SND1: variants seen among roughly 807,000 people sequenced by gnomAD.
SND1 encodes staphylococcal nuclease domain-containing protein 1.
SND1 carries 38 observed loss-of-function variants against 121.7 expected under a neutral mutation model. The ratio of observed to expected loss-of-function variants is 0.31; its 90% CI spans 0.24 to 0.41. SND1 has a LOEUF of 0.41. SND1 is among the 10% of genes least tolerant of loss of function. SND1 has a pLI of 1.00. For missense variants in SND1, 868 were observed against 1,184.6 expected (o/e 0.73, Z 3.92); for synonymous variants, 401 against 447.4 (o/e 0.90, Z 1.31).
chr7:127,741,549 G>T (rs1192521379), intron 10 of SND1, among the ~76,000 whole-genome samples: 1 of 152,094 alleles, frequency 6.6e-6, no homozygotes, highest in Non-Finnish European at 1.5e-5. Flanking sequence ...CTCTAATTCT[G>T]AAAGAGGCTT....
chr7:128,086,512 C>A, intron 20 of SND1: 1 of 277,792 alleles, frequency 3.6e-6, no homozygotes, highest in Non-Finnish European at 7.0e-6. Context: ...TGGGCCAGAA[C>A]CACAGGCAGG....
intron 14 of SND1, among the ~76,000 whole-genome samples, chr7:127,913,324 G>A (rs1339912045): frequency 6.6e-6 from 1 of 152,140 alleles, no homozygotes; most frequent in Non-Finnish European, 1.5e-5. Flanking sequence ...TCACAAACAG[G>A]AGTGCATGCA....
chr7:127,898,378 T>C (rs901398495), intron 13 of SND1, among the ~76,000 whole-genome samples: 3 of 152,182 alleles, frequency 2.0e-5, no homozygotes, highest in African/African-American at 7.2e-5. Flanking sequence ...CTCAATTACA[T>C]TGAAAATGCA....
chr7:127,754,430 C>T (rs1261478388), intron 10 of SND1, among the ~76,000 whole-genome samples: 3 of 152,178 alleles, frequency 2.0e-5, no homozygotes, highest in African/African-American at 7.2e-5. Context: ...GGCTTTATAA[C>T]AATAGAGGTT....
At chr7:127,894,480 G>A (rs929676118) in intron 13 of SND1, among the ~76,000 whole-genome samples, 2 of 152,020 alleles carry the variant, frequency 1.3e-5, no homozygotes, top group African/African-American at 4.8e-5. Flanking sequence ...AATGGAATGT[G>A]AAGAGTTACT....
intron 13 of SND1, among the ~76,000 whole-genome samples, chr7:127,894,314 C>G (rs1001937552): frequency 5.9e-5 from 9 of 151,512 alleles, no homozygotes; most frequent in Non-Finnish European, 1.0e-4. Flanking sequence ...GAGGAGCTCT[C>G]CCTTTTTTCT....
intron 12 of SND1, among the ~76,000 whole-genome samples, chr7:127,845,546 C>A (rs2116649859): frequency 6.6e-6 from 1 of 152,324 alleles, no homozygotes; most frequent in African/African-American, 2.4e-5. Flanking sequence ...GGTCATTATT[C>A]TATCTGTATA....
intron 10 of SND1, among the ~76,000 whole-genome samples, chr7:127,786,062 C>A (rs1197562959): frequency 6.6e-6 from 1 of 151,912 alleles, no homozygotes; most frequent in Non-Finnish European, 1.5e-5. Flanking sequence ...CTTCCTGAAG[C>A]CTGGACCAGT....
chr7:128,082,851 G>A (rs1314275940), intron 18 of SND1, among the ~76,000 whole-genome samples: 5 of 152,204 alleles, frequency 3.3e-5, no homozygotes, highest in South Asian at 4.1e-4. Flanking sequence ...TCTGGGTCCT[G>A]CTGGGGAGGA....
intron 16 of SND1, among the ~76,000 whole-genome samples, chr7:128,050,880 T>G (rs1248662147): frequency 6.6e-6 from 1 of 152,264 alleles, no homozygotes; most frequent in Non-Finnish European, 1.5e-5. Flanking sequence ...TCAGTCCTCC[T>G]GAGCTGAGAA....
chr7:127,684,819 A>C (rs1308454147), intron 1 of SND1, among the ~76,000 whole-genome samples: 1 of 152,210 alleles, frequency 6.6e-6, no homozygotes, highest in Non-Finnish European at 1.5e-5. Context: ...AAAGTGACTT[A>C]GGCCAGGGTC....
chr7:127,958,289 T>C (rs1476605377), intron 15 of SND1, among the ~76,000 whole-genome samples: 1 of 152,250 alleles, frequency 6.6e-6, no homozygotes, highest in East Asian at 1.9e-4. Flanking sequence ...TGTTTACCAA[T>C]GCTGTTACGT....
intron 16 of SND1, among the ~76,000 whole-genome samples, chr7:128,065,400 C>T (rs1562887506): frequency 6.6e-6 from 1 of 152,270 alleles, no homozygotes; most frequent in Non-Finnish European, 1.5e-5. Context: ...AGGTCAGCTA[C>T]TTCCTGCCTG....
intron 10 of SND1, among the ~76,000 whole-genome samples, chr7:127,739,393 T>C (rs915372178): frequency 3.0e-4 from 45 of 152,164 alleles, no homozygotes; most frequent in African/African-American, 1.1e-3. Flanking sequence ...GATTTATTTA[T>C]TTTATTGTCT....
chr7:127,706,358 G>A (rs1407605022), intron 8 of SND1, among the ~76,000 whole-genome samples: 5 of 144,292 alleles, frequency 3.5e-5, no homozygotes, highest in African/African-American at 5.2e-5. Flanking sequence ...CCTGGTTCAA[G>A]CGATTCCTCT....
chr7:127,901,728 T>G (rs965561734), intron 13 of SND1, among the ~76,000 whole-genome samples: 43 of 152,332 alleles, frequency 2.8e-4, no homozygotes, highest in African/African-American at 1.0e-3. Flanking sequence ...TCAGTTTACA[T>G]ATGCTGGTAC....
intron 12 of SND1, among the ~76,000 whole-genome samples, chr7:127,885,092 G>T (rs1040968454): frequency 3.9e-5 from 6 of 152,166 alleles, no homozygotes; most frequent in African/African-American, 1.4e-4. Flanking sequence ...TTCCTATGGG[G>T]CTCTGACACC....
intron 14 of SND1, among the ~76,000 whole-genome samples, chr7:127,920,923 A>C (rs1800693023): frequency 6.6e-6 from 1 of 152,202 alleles, no homozygotes; most frequent in Non-Finnish European, 1.5e-5. Context: ...TCGATGATAA[A>C]ATGCAGATTT....
intron 16 of SND1, among the ~76,000 whole-genome samples, chr7:128,022,889 C>T (rs1442364884): frequency 1.3e-5 from 2 of 152,212 alleles, no homozygotes; most frequent in Non-Finnish European, 2.9e-5. Flanking sequence ...CAAGTACTGA[C>T]AGCAAAGCTG....
Sources: allele counts gnomAD v4.1 joint callset (sites outside exome capture counted in the v4.1 genomes callset), GRCh38; gene constraint gnomAD v4.1.1; transcripts MANE v1.5; gene names NCBI Gene and HGNC (gene_info 2026-07-23, HGNC 2026-07-21).